IL1RAPL2: variants seen among roughly 807,000 people sequenced by gnomAD.
IL1RAPL2 encodes interleukin 1 receptor accessory protein like 2, also known as X-linked interleukin-1 receptor accessory protein-like 2.
IL1RAPL2 carries 3 observed loss-of-function variants against 44.1 expected under a neutral mutation model. The observed-to-expected ratio is 0.07, with a 90% CI of 0.03 to 0.18. The LOEUF is 0.18. Ranked by LOEUF, IL1RAPL2 falls within the 10% of genes least tolerant of loss-of-function variation. IL1RAPL2 has a pLI of 1.00. For missense variants in IL1RAPL2, 391 were observed against 496.4 expected (o/e 0.79, Z 2.02); for synonymous variants, 181 against 178.8 (o/e 1.01, Z -0.10).
intron 1 of IL1RAPL2, among the ~76,000 whole-genome samples, chrX:104,611,920 C>T (rs1327426358): frequency 9.1e-6 from 1 of 109,407 alleles, no homozygotes; most frequent in Non-Finnish European, 1.9e-5. Context: ...ACCCATTGAG[C>T]CAGGCACCAG....
chrX:105,151,231 T>C (rs1393679136), intron 2 of IL1RAPL2, among the ~76,000 whole-genome samples: 4 of 111,847 alleles, frequency 3.6e-5, no homozygotes, highest in Non-Finnish European at 7.5e-5. Flanking sequence ...GTAAAAGGTT[T>C]AGGAAATTGA....
chrX:104,668,611 G>A (rs183102757), intron 2 of IL1RAPL2, among the ~76,000 whole-genome samples: 9 of 107,630 alleles, frequency 8.4e-5, no homozygotes, highest in Admixed American at 4.1e-4. Flanking sequence ...AAAAAAAACT[G>A]AGTAAGGCAT....
intron 2 of IL1RAPL2, among the ~76,000 whole-genome samples, chrX:105,093,319 A>G (rs1390800598): frequency 8.9e-6 from 1 of 111,942 alleles, no homozygotes; most frequent in African/African-American, 3.2e-5. Context: ...GCTTTTAAAT[A>G]TGAGCTTCTT....
intron 2 of IL1RAPL2, among the ~76,000 whole-genome samples, chrX:104,950,289 C>T (rs1053786243): frequency 1.3e-4 from 15 of 112,199 alleles, no homozygotes; most frequent in Non-Finnish European, 2.1e-4. Flanking sequence ...CTTCCTCCAT[C>T]CTCAGGGACC....
chrX:104,817,771 T>TGTGTCTG (rs2147621826), intron 2 of IL1RAPL2, among the ~76,000 whole-genome samples: 1 of 111,993 alleles, frequency 8.9e-6, no homozygotes, highest in South Asian at 3.8e-4. Context: ...ACAGATAAAA[T>TGTGTCTG]AATAAGCACA....
chrX:104,864,226 G>T (rs920156384), intron 2 of IL1RAPL2, among the ~76,000 whole-genome samples: 1 of 112,003 alleles, frequency 8.9e-6, no homozygotes, highest in Non-Finnish European at 1.9e-5. Context: ...TTTATAGATT[G>T]ATCAACAAAC....
chrX:105,313,248 G>C (rs2034812259), intron 5 of IL1RAPL2, among the ~76,000 whole-genome samples: 1 of 111,868 alleles, frequency 8.9e-6, no homozygotes. Context: ...AGATTTCAAA[G>C]ATCTTGCTTA....
At chrX:104,630,848 T>C (rs977477764) in intron 1 of IL1RAPL2, among the ~76,000 whole-genome samples, 21 of 111,005 alleles carry the variant, frequency 1.9e-4, no homozygotes, top group Middle Eastern at 9.2e-3. Flanking sequence ...AGCTTCTTTT[T>C]TTTATTATAC....
chrX:105,665,995 C>G (rs2037763864), intron 6 of IL1RAPL2, among the ~76,000 whole-genome samples: 1 of 109,391 alleles, frequency 9.1e-6, no homozygotes, highest in East Asian at 2.9e-4. Flanking sequence ...ATCTCCTGAC[C>G]TCGTGATCCG....
chrX:105,299,804 C>T (rs759992162), intron 5 of IL1RAPL2, among the ~76,000 whole-genome samples: 10 of 112,058 alleles, frequency 8.9e-5, no homozygotes, highest in African/African-American at 2.3e-4. Flanking sequence ...TTAACTCTAA[C>T]TATATTTCTG....
intron 5 of IL1RAPL2, among the ~76,000 whole-genome samples, chrX:105,418,280 G>A (rs969202789): frequency 4.5e-5 from 5 of 110,950 alleles, no homozygotes; most frequent in African/African-American, 1.6e-4. Flanking sequence ...TACCCTAAAA[G>A]AAGTGGGAAA....
chrX:105,411,840 C>T (rs1311164359), intron 5 of IL1RAPL2, among the ~76,000 whole-genome samples: 1 of 111,967 alleles, frequency 8.9e-6, no homozygotes, highest in Admixed American at 9.5e-5. Flanking sequence ...CAATAAACAA[C>T]TGCAGAATAC....
At chrX:104,962,570 C>G (rs1383624060) in intron 2 of IL1RAPL2, among the ~76,000 whole-genome samples, 1 of 112,011 alleles carries the variant, frequency 8.9e-6, no homozygotes, top group African/African-American at 3.2e-5. Context: ...GTGCAATGCA[C>G]TAAAGGTGCA....
chrX:104,721,239 T>C (rs1316692630), intron 2 of IL1RAPL2, among the ~76,000 whole-genome samples: 2 of 111,350 alleles, frequency 1.8e-5, no homozygotes, highest in Admixed American at 9.6e-5. Context: ...CGTATGTTCA[T>C]TGCAGCACTA....
At chrX:105,409,239 C>T (rs1322235012) in intron 5 of IL1RAPL2, among the ~76,000 whole-genome samples, 1 of 108,175 alleles carries the variant, frequency 9.2e-6, no homozygotes, top group Admixed American at 9.7e-5. Context: ...GCCTCCAAAC[C>T]AGTCAAAATA....
intron 6 of IL1RAPL2, among the ~76,000 whole-genome samples, chrX:105,686,472 G>A (rs2037977604): frequency 9.7e-6 from 1 of 103,451 alleles, no homozygotes; most frequent in African/African-American, 3.6e-5. Flanking sequence ...AAGAGACAAA[G>A]AAGGCCATTA....
intron 1 of IL1RAPL2, among the ~76,000 whole-genome samples, chrX:104,636,125 C>T (rs910194726): frequency 8.9e-6 from 1 of 112,037 alleles, no homozygotes; most frequent in African/African-American, 3.2e-5. Flanking sequence ...CCCTGTTTGC[C>T]TGGGTATCAG....
At chrX:104,634,710 C>T (rs1178043433) in intron 1 of IL1RAPL2, among the ~76,000 whole-genome samples, 1 of 111,463 alleles carries the variant, frequency 9.0e-6, no homozygotes, top group Non-Finnish European at 1.9e-5. Context: ...GATATTCCTC[C>T]ATCCCTTTAT....
chrX:104,624,279 G>A lies in IL1RAPL2; in HGVS notation c.-19-34616G>A, dbSNP rs193298439. ...GACTTTCAGAACACTTTTGGAATAC[G>A]GCTTGACTTTAAAACTTTTACCATT... is the stretch of plus-strand genomic sequence containing the variant. On this transcript the variant is annotated intron_variant, in intron 1 of 10. Coordinates refer to ENST00000372582, the MANE Select transcript of IL1RAPL2 (RefSeq NM_017416.2). Among the ~76,000 whole-genome samples the A allele has an allele frequency of 6.0e-3, 657 of 110,365 alleles. 8 individuals are homozygous for A. Among genetic ancestry groups the A allele is most frequent in the African/African-American group, 0.021 (624 of 30,359 alleles).
Sources: allele counts gnomAD v4.1 joint callset (sites outside exome capture counted in the v4.1 genomes callset), GRCh38; gene constraint gnomAD v4.1.1; transcripts MANE v1.5; gene names NCBI Gene and HGNC (gene_info 2026-07-23, HGNC 2026-07-21).